The following KLF8 variants were observed in gnomAD, a reference collection of about 807,000 sequenced individuals.
KLF8 encodes the protein Krueppel-like factor 8.
In KLF8, 10 loss-of-function variants were observed where a neutral mutation model predicts 18.2. The ratio of observed to expected loss-of-function variants is 0.55; its 90% CI spans 0.34 to 0.93. The LOEUF (loss-of-function observed/expected upper bound fraction) is 0.93, where lower values mean the gene tolerates loss of function less well. Among genes scored for constraint, KLF8 ranks in the 40% least tolerant of loss-of-function variants. The pLI is 0.02. For missense variants in KLF8, 264 were observed against 277.9 expected, an observed-to-expected ratio of 0.95 and a Z score of 0.36; for synonymous variants, 109 against 97.3, an observed-to-expected ratio of 1.12 and a Z score of -0.71.
chrX:56,187,776 A>G, the KLF8 span, among the ~76,000 whole-genome samples: 3 of 111,102 alleles, frequency 2.7e-5, no homozygotes, highest in African/African-American at 1.0e-4. Flanking sequence ...AAAAAACCAC[A>G]TGATTATCTC....
the KLF8 span, among the ~76,000 whole-genome samples, chrX:56,065,545 A>T: frequency 9.0e-6 from 1 of 110,903 alleles, no homozygotes; most frequent in Admixed American, 9.6e-5. Flanking sequence ...TTAAGATTTC[A>T]TAATTTTTTT....
At chrX:56,208,124 C>T in the KLF8 span, among the ~76,000 whole-genome samples, 1 of 111,529 alleles carries the variant, frequency 9.0e-6, no homozygotes, top group Admixed American at 9.6e-5. Flanking sequence ...CTGCCCTTGA[C>T]ACATGGGGAT....
intron 1 of KLF8, among the ~76,000 whole-genome samples, chrX:56,244,255 G>C (rs2066592450): frequency 9.0e-6 from 1 of 111,375 alleles, no homozygotes; most frequent in African/African-American, 3.3e-5. Context: ...CTGCACCCAG[G>C]CTAGACTGCG....
the KLF8 span, among the ~76,000 whole-genome samples, chrX:55,977,653 G>A: frequency 9.0e-6 from 1 of 111,470 alleles, no homozygotes; most frequent in Non-Finnish European, 1.9e-5. Flanking sequence ...GCTTGTGAAT[G>A]CACTTTTATT....
the KLF8 span, among the ~76,000 whole-genome samples, chrX:56,194,768 AC>A: frequency 8.9e-6 from 1 of 111,909 alleles, no homozygotes. Context: ...TGGGTCCCTG[AC>A]CCCCATGTAA....
At chrX:56,195,063 A>T in the KLF8 span, among the ~76,000 whole-genome samples, 1 of 112,045 alleles carries the variant, frequency 8.9e-6, no homozygotes, top group Non-Finnish European at 1.9e-5. Context: ...TCTACATCAA[A>T]ACCCCATCTG....
the KLF8 span, among the ~76,000 whole-genome samples, chrX:56,145,511 A>G: frequency 8.9e-6 from 1 of 112,738 alleles, no homozygotes; most frequent in Non-Finnish European, 1.9e-5. Flanking sequence ...ACACAAATGT[A>G]CATAGCACTA....
the KLF8 span, among the ~76,000 whole-genome samples, chrX:56,102,863 T>C: frequency 9.2e-6 from 1 of 109,084 alleles, no homozygotes; most frequent in Admixed American, 9.8e-5. Context: ...TAACTCGTCA[T>C]TTGCATTAGG....
chrX:56,033,604 T>TAAAA, the KLF8 span, among the ~76,000 whole-genome samples: 1 of 112,235 alleles, frequency 8.9e-6, no homozygotes, highest in East Asian at 2.8e-4. Flanking sequence ...CACTTTTTTA[T>TAAAA]AATGGCTGTA....
the KLF8 span, among the ~76,000 whole-genome samples, chrX:56,148,495 T>A: frequency 9.0e-6 from 1 of 111,478 alleles, no homozygotes; most frequent in Non-Finnish European, 1.9e-5. Flanking sequence ...CCCTATGAAG[T>A]AGAAGTAGCA....
chrX:56,046,608 A>G, the KLF8 span, among the ~76,000 whole-genome samples: 8 of 21,452 alleles, frequency 3.7e-4, no homozygotes, highest in Non-Finnish European at 1.2e-3. Context: ...GTTTTTCTGG[A>G]AAAAAAAAAC....
the KLF8 span, among the ~76,000 whole-genome samples, chrX:56,184,624 C>T: frequency 1.8e-5 from 2 of 111,800 alleles, no homozygotes; most frequent in Middle Eastern, 4.2e-3. Flanking sequence ...GAGGCACCCC[C>T]GAGTAGCGGC....
the KLF8 span, among the ~76,000 whole-genome samples, chrX:56,162,071 G>T: frequency 6.3e-5 from 7 of 111,929 alleles, no homozygotes; most frequent in Non-Finnish European, 1.3e-4. Context: ...AGCAGCAGAG[G>T]CTGCAGAACA....
the KLF8 span, among the ~76,000 whole-genome samples, chrX:55,942,328 G>A: frequency 9.1e-6 from 1 of 109,582 alleles, no homozygotes; most frequent in East Asian, 2.9e-4. Flanking sequence ...GAGTACGCAT[G>A]GACACAAGAA....
the KLF8 span, among the ~76,000 whole-genome samples, chrX:55,922,520 T>C: frequency 8.9e-6 from 1 of 112,435 alleles, no homozygotes; most frequent in Non-Finnish European, 1.9e-5. Context: ...TGGGGCTTAA[T>C]ACCTATGTGA....
In KLF8 at chrX:56,263,239, G is replaced by A. The variant is rs920141285; in HGVS notation, c.82-1941G>A. Among the ~76,000 whole-genome samples, 5 of 111,552 alleles carry A rather than the reference G, an allele frequency of 4.5e-5. 1 individual carries two copies. The highest frequency in any genetic ancestry group is 1.6e-4 in the African/African-American group (5 of 30,627). ...GGATGGGTCAAATCCACCCATGAGG[G>A]ATGGGTTACATTTGCAGTATGTGAA... On this transcript the variant is annotated intron_variant, in intron 2 of 5. Coordinates refer to ENST00000468660, the MANE Select transcript of KLF8 (RefSeq NM_007250.5).
At chrX:56,217,991 A>T in the KLF8 span, among the ~76,000 whole-genome samples, 1 of 110,448 alleles carries the variant, frequency 9.1e-6, no homozygotes, top group Non-Finnish European at 1.9e-5. Flanking sequence ...AATCTCAGAA[A>T]CTAGTCAGGT....
intron 1 of KLF8, among the ~76,000 whole-genome samples, chrX:56,248,588 G>C (rs1165029222): frequency 9.0e-6 from 1 of 111,559 alleles, no homozygotes; most frequent in Non-Finnish European, 1.9e-5. Context: ...AATGAAGCCT[G>C]TTGAAGGTGT....
At chrX:56,007,414 T>C in the KLF8 span, among the ~76,000 whole-genome samples, 1 of 111,144 alleles carries the variant, frequency 9.0e-6, no homozygotes, top group Non-Finnish European at 1.9e-5. Flanking sequence ...TTTAGGTAAC[T>C]CCCTATACTC....
Sources: allele counts gnomAD v4.1 joint callset (sites outside exome capture counted in the v4.1 genomes callset), GRCh38; gene constraint gnomAD v4.1.1; transcripts MANE v1.5; gene names NCBI Gene and HGNC (gene_info 2026-07-23, HGNC 2026-07-21).